SNAP47: variants seen among roughly 807,000 people sequenced by gnomAD.
The protein encoded by SNAP47 is synaptosomal-associated protein 47.
SNAP47 carries 20 observed loss-of-function variants against 31.4 expected under a neutral mutation model. The ratio of observed to expected loss-of-function variants is 0.64; its 90% CI spans 0.45 to 0.93. The LOEUF is 0.93. Among genes scored for constraint, SNAP47 ranks in the 40% least tolerant of loss-of-function variants. The probability of loss-of-function intolerance (pLI) is 0.00; values close to 1 mark genes in which losing one functional copy is unlikely to be tolerated. For synonymous variants in SNAP47, 194 were observed against 213.4 expected, an observed-to-expected ratio of 0.91 and a Z score of 0.79; for missense variants, 492 against 528.5, an observed-to-expected ratio of 0.93 and a Z score of 0.68.
intron 4 of SNAP47, among the ~76,000 whole-genome samples, chr1:227,779,484 C>G (rs537895607): frequency 5.3e-5 from 8 of 152,190 alleles, no homozygotes; most frequent in African/African-American, 1.9e-4. Context: ...AAGATCACCA[C>G]GCCCTAGACC....
chr1:227,735,847 A>T, intron 1 of SNAP47: 1 of 478,726 alleles, frequency 2.1e-6, no homozygotes, highest in Non-Finnish European at 2.6e-6. Context: ...GAGGGGATGG[A>T]GACGGGATCT....
In SNAP47 at chr1:227,762,405, G is replaced by T. The variant is rs1412425549; in HGVS notation, c.988+2920G>T. ...TGATGGGAGCTCAGTAGTCTGTGGG[G>T]CACTTGTGGCTCTGAGGCCTTGCCT... On this transcript the variant is annotated intron_variant, in intron 3 of 4. Transcript: ENST00000617596. This position sits in a 1 kb window ranked among gnomAD's most constrained non-coding sequence, Gnocchi z 4.2. 6.6e-6 allele frequency among the ~76,000 whole-genome samples: 1 copy of T among 152,202 alleles called. No homozygotes were observed. The highest frequency in any genetic ancestry group is 2.4e-5 in the African/African-American group (1 of 41,452).
chr1:227,747,545 G>A (rs891925906), intron 1 of SNAP47, 147 bp from the exon 2 acceptor site: 50 of 779,278 alleles, frequency 6.4e-5, no homozygotes, highest in African/African-American at 4.4e-4. Flanking sequence ...CATGGGCTTC[G>A]TCATGCAGCC....
At chr1:227,728,945 G>C (rs1197487131) in intron 1 of SNAP47, among the ~76,000 whole-genome samples, 1 of 152,180 alleles carries the variant, frequency 6.6e-6, no homozygotes. Flanking sequence ...ACGCAGGGGA[G>C]GGGGGCGGCA....
At chr1:227,735,380 G>A (rs7419238), upstream of SNAP47, 1,585,941 of 1,586,266 alleles carry the variant, frequency 1, 792,808 homozygotes, top group East Asian at 1. Flanking sequence ...TTTCTGCCCC[G>A]CCAGCGCCTG....
At chr1:227,764,760 C>T (rs773241508) in intron 3 of SNAP47, among the ~76,000 whole-genome samples, 1 of 151,978 alleles carries the variant, frequency 6.6e-6, no homozygotes, top group South Asian at 2.1e-4. Flanking sequence ...AAAAATTAGC[C>T]GGGTGTGGTG....
chr1:227,733,223 G>C (rs945066603), upstream of SNAP47: 1 of 848,014 alleles, frequency 1.2e-6, no homozygotes, highest in African/African-American at 1.7e-5. Flanking sequence ...TGAACCCAGA[G>C]CAAGTAGACC....
intron 1 of SNAP47, among the ~76,000 whole-genome samples, chr1:227,740,658 G>T (rs1258564955): frequency 6.6e-6 from 1 of 152,168 alleles, no homozygotes; most frequent in East Asian, 1.9e-4. Flanking sequence ...GCTTGTGCTG[G>T]TTGGCCCAGA....
chr1:227,751,362 ACT>A (rs1322908457), intron 2 of SNAP47, among the ~76,000 whole-genome samples: 2 of 152,030 alleles, frequency 1.3e-5, no homozygotes, highest in Non-Finnish European at 2.9e-5. Context: ...GGCCAGGTGC[ACT>A]CTCAGCTGAT....
chr1:227,769,395 C>T (rs1663645936), intron 4 of SNAP47, among the ~76,000 whole-genome samples: 1 of 152,084 alleles, frequency 6.6e-6, no homozygotes, highest in Non-Finnish European at 1.5e-5. Flanking sequence ...CCTAGTTTCA[C>T]AGGAGACTGT....
At chr1:227,779,188 G>A (rs971756550) in intron 4 of SNAP47, among the ~76,000 whole-genome samples, 7 of 152,328 alleles carry the variant, frequency 4.6e-5, no homozygotes, top group Non-Finnish European at 8.8e-5. Flanking sequence ...AGCTGGATCT[G>A]ACCAGCTGGC....
intron 3 of SNAP47, among the ~76,000 whole-genome samples, chr1:227,764,484 G>A (rs1429950154): frequency 1.3e-5 from 2 of 152,228 alleles, no homozygotes; most frequent in East Asian, 3.9e-4. Context: ...AAGAGCCTGT[G>A]TCGGCTGGGC....
chr1:227,730,201 G>C (rs1660550530), upstream of SNAP47, among the ~76,000 whole-genome samples: 1 of 152,334 alleles, frequency 6.6e-6, no homozygotes, highest in Non-Finnish European at 1.5e-5. Flanking sequence ...TCGTACCCCA[G>C]GAGGTTGGTT....
chr1:227,748,253 T>G lies in SNAP47; in HGVS notation c.497+20T>G. 1 of 1,538,106 alleles carries G rather than the reference T, an allele frequency of 6.5e-7. No individual in the cohort carries two copies. The highest frequency in any genetic ancestry group is 8.7e-7 in the Non-Finnish European group (1 of 1,143,578). ...GGACAGGTGGGCTTGCTGTGTACAC[T>G]TTGCAAGGCACACACAGAGTAAGAT... On this transcript the variant is annotated intron_variant, in intron 2 of 4. Transcript: ENST00000617596.
intron 2 of SNAP47, among the ~76,000 whole-genome samples, chr1:227,749,393 G>T (rs959993221): frequency 6.6e-6 from 1 of 152,108 alleles, no homozygotes; most frequent in Non-Finnish European, 1.5e-5. Context: ...TCTGGGATCC[G>T]GGGGTGCCCA....
chr1:227,759,492 G>T lies in SNAP47; in HGVS notation c.988+7G>T. The T allele has an allele frequency of 1.2e-6, 2 of 1,612,568 alleles. No homozygotes were observed. The highest frequency in any genetic ancestry group is 2.2e-5 in the South Asian group (2 of 91,006). ...TGCTCAGTCTGGCATGCAGGTTAGT[G>T]ACCGACAAGGCAGTGAGCGCGTGCA... On this transcript the variant is annotated splice_region_variant and intron_variant, in intron 3 of 4. Transcript: ENST00000617596.
At chr1:227,743,463 G>GCCTCT (rs1433164252) in intron 1 of SNAP47, among the ~76,000 whole-genome samples, 2 of 152,172 alleles carry the variant, frequency 1.3e-5, no homozygotes, top group African/African-American at 4.8e-5. Context: ...CCTGAGCCCC[G>GCCTCT]CCTCTCCTCT....
At chr1:227,752,476 C>T (rs904585257) in intron 2 of SNAP47, among the ~76,000 whole-genome samples, 3 of 152,012 alleles carry the variant, frequency 2.0e-5, no homozygotes, top group Non-Finnish European at 2.9e-5. Context: ...GTCCCACATG[C>T]GTCATGCAGG....
At chr1:227,755,873 TGAGTGG>T (rs1662662465) in intron 2 of SNAP47, among the ~76,000 whole-genome samples, 1 of 150,100 alleles carries the variant, frequency 6.7e-6, no homozygotes, top group Non-Finnish European at 1.5e-5. Flanking sequence ...CCTGGGCCAC[TGAGTGG>T]CCCAACGCCA....
Sources: gnomAD v4.1 joint callset for allele counts (sites outside exome capture counted in the v4.1 genomes callset) on GRCh38, gnomAD v4.1.1 for gene constraint, Gnocchi (gnomAD v3.1) non-coding constraint, MANE v1.5 for transcripts, NCBI Gene and HGNC (gene_info 2026-07-23, HGNC 2026-07-21) for gene names.